PACSIN1: variants seen among roughly 807,000 people sequenced by gnomAD.
PACSIN1 encodes protein kinase C and casein kinase substrate in neurons 1, also known as protein kinase C and casein kinase substrate in neurons protein 1.
A neutral mutation model predicts 59.5 loss-of-function variants in PACSIN1; 15 were observed. That is an observed-to-expected ratio of 0.25 (90% CI 0.17 to 0.39). The LOEUF is 0.39. Ranked by LOEUF, PACSIN1 falls within the 10% of genes least tolerant of loss-of-function variation. PACSIN1 has a pLI of 1.00. For synonymous variants in PACSIN1, 210 were observed against 220.6 expected, an observed-to-expected ratio of 0.95 and a Z score of 0.42; for missense variants, 420 against 580.2, an observed-to-expected ratio of 0.72 and a Z score of 2.84.
intron 1 of PACSIN1, among the ~76,000 whole-genome samples, chr6:34,511,955 A>G (rs1464043324): frequency 1.3e-5 from 2 of 152,132 alleles, no homozygotes; most frequent in African/African-American, 4.8e-5. Flanking sequence ...GGTGTGGGCC[A>G]GACACCCTCC....
chr6:34,529,216 G>A lies in PACSIN1; in HGVS notation c.457-181G>A, dbSNP rs1009931971. ...GGAGCAGGCAGTGCCAAGCAGAGAC[G>A]CAGCCACAAATGGAGGAGCGCTGCT... On this transcript the variant is annotated intron_variant, in intron 4 of 9. Coordinates refer to ENST00000244458, the MANE Select transcript of PACSIN1 (RefSeq NM_020804.5). This position sits in a 1 kb window ranked among gnomAD's most constrained non-coding sequence, Gnocchi z 6.3. 8.6e-5 allele frequency among the ~76,000 whole-genome samples: 13 copies of A among 152,032 alleles called. No individual in the cohort carries two copies. The highest frequency in any genetic ancestry group is 5.2e-4 in the Admixed American group (8 of 15,280).
At position 34,531,821 on chromosome 6, in the gene PACSIN1, G is replaced by T; in HGVS notation, c.1225+34G>T. ...GCTGGGCGGGGCAGTGCCTGAGAGA[G>T]GCTTGGGCCTGGATTGGGTGTGTGG... is the stretch of plus-strand genomic sequence containing the variant. On this transcript the variant is annotated intron_variant, in intron 9 of 9. Coordinates refer to ENST00000244458, the MANE Select transcript of PACSIN1 (RefSeq NM_020804.5). This position sits in a 1 kb window ranked among gnomAD's most constrained non-coding sequence, Gnocchi z 4.4. 6.5e-7 allele frequency: 1 copy of T among 1,532,540 alleles called. No individual in the cohort carries two copies. Among genetic ancestry groups the T allele is most frequent in the Non-Finnish European group, 8.8e-7 (1 of 1,138,836 alleles). The allele number at this position is 1,532,540 out of a possible 1,614,324, so 94.9% of individuals were successfully genotyped here. A position where few individuals can be genotyped will look rare whatever the true frequency, so the allele number is the denominator to read the frequency against.
Position 34,525,424 on chromosome 6 carries a change from C to T in PACSIN1, c.-63-819C>T, listed in dbSNP as rs1446135402. On this transcript the variant is annotated intron_variant, in intron 1 of 9. Transcript: ENST00000244458. The surrounding 1 kb of genome is among the most constrained non-coding windows in gnomAD (Gnocchi z 4.9). ...CAGGTTGGGCTGAATCTTACAGAGG[C>T]CAGCCTTCCCTGAGCATCCACACTG... Among the ~76,000 whole-genome samples, 1 of 152,234 alleles carries T rather than the reference C, an allele frequency of 6.6e-6. No individual in the cohort carries two copies. Among genetic ancestry groups the T allele is most frequent in the Admixed American group, 6.5e-5 (1 of 15,290 alleles).
intron 1 of PACSIN1, among the ~76,000 whole-genome samples, chr6:34,482,009 T>G (rs1442440970): frequency 6.6e-6 from 1 of 152,200 alleles, no homozygotes; most frequent in African/African-American, 2.4e-5. Flanking sequence ...TAAATTTGCT[T>G]ATTCTGGAAG....
chr6:34,477,230 C>G (rs916620560), intron 1 of PACSIN1, among the ~76,000 whole-genome samples: 9 of 152,010 alleles, frequency 5.9e-5, no homozygotes, highest in Non-Finnish European at 1.2e-4. Context: ...GTTGCTCATG[C>G]CTGTAATCCC....
chr6:34,527,517 C>A, intron 3 of PACSIN1, 29 bp downstream of exon 3: 1 of 1,554,786 alleles, frequency 6.4e-7, no homozygotes, highest in Non-Finnish European at 8.7e-7. Context: ...ATCGTGCGCG[C>A]CCCCAGGCCG....
chr6:34,500,605 G>C (rs4713802), intron 1 of PACSIN1, among the ~76,000 whole-genome samples: 52,732 of 152,088 alleles, frequency 0.35, 10,915 homozygotes, highest in Middle Eastern at 0.52. Flanking sequence ...AGAATTTCAG[G>C]AATGGTAAAT....
rs1368967649 is a variant in PACSIN1 at position 34,488,772 on chromosome 6, C to T, written c.-64+22502C>T. ...TTGATTGATTGATTTGTTGCCCAGG[C>T]TGGTCTTGAGCTCCTGGGCTCAAGC... On this transcript the variant is annotated intron_variant, in intron 1 of 9. Transcript: ENST00000244458. This position sits in a 1 kb window ranked among gnomAD's most constrained non-coding sequence, Gnocchi z 4.7. Among the ~76,000 whole-genome samples, 2 of 152,186 alleles carry T rather than the reference C, an allele frequency of 1.3e-5. No homozygotes were observed. The highest frequency in any genetic ancestry group is 1.9e-4 in the East Asian group (1 of 5,192).
chr6:34,495,476 G>A (rs908048167), intron 1 of PACSIN1, among the ~76,000 whole-genome samples: 5 of 149,564 alleles, frequency 3.3e-5, no homozygotes, highest in Admixed American at 6.6e-5. Flanking sequence ...TTTTCCAGAC[G>A]GAGTCTCACT....
intron 1 of PACSIN1, among the ~76,000 whole-genome samples, chr6:34,505,523 CTTTCTTTTT>C (rs1304736951): frequency 8.4e-6 from 1 of 118,698 alleles, no homozygotes; most frequent in African/African-American, 3.3e-5. Context: ...CTGTCCTTTT[CTTTCTTTTT>C]TTTTTTTTCA....
chr6:34,481,218 G>T (rs1379239170), intron 1 of PACSIN1, among the ~76,000 whole-genome samples: 2 of 151,634 alleles, frequency 1.3e-5, no homozygotes, highest in Non-Finnish European at 2.9e-5. Flanking sequence ...GCTAATTTTT[G>T]TTTCTTTAGT....
chr6:34,469,893 G>C lies in PACSIN1; in HGVS notation c.-64+3623G>C, dbSNP rs563022625. Among the ~76,000 whole-genome samples the C allele has an allele frequency of 2.0e-5, 3 of 152,346 alleles. No individual in the cohort carries two copies. In the South Asian group the frequency reaches 6.2e-4, roughly 32 times the overall value. On this transcript the variant is annotated intron_variant, in intron 1 of 9. Transcript: ENST00000244458. ...GACCTCTAATGCCAGGGAAGTTGCT[G>C]GTGCCGTTTCCAGAAAAGGAGCGTG...
chr6:34,492,238 G>T (rs1463239100), intron 1 of PACSIN1, among the ~76,000 whole-genome samples: 2 of 103,136 alleles, frequency 1.9e-5, no homozygotes, highest in Non-Finnish European at 3.6e-5. Context: ...ATCTCACTCT[G>T]TTGCCCAGGC....
At chr6:34,470,512 TG>T (rs1342938158) in intron 1 of PACSIN1, among the ~76,000 whole-genome samples, 1 of 151,954 alleles carries the variant, frequency 6.6e-6, no homozygotes, top group Admixed American at 6.6e-5. Context: ...CACTCGATAT[TG>T]TTATAATTAT....
At chr6:34,504,511 G>A (rs534262148) in intron 1 of PACSIN1, among the ~76,000 whole-genome samples, 26 of 152,008 alleles carry the variant, frequency 1.7e-4, no homozygotes, top group African/African-American at 6.3e-4. Flanking sequence ...GGCTGATCTC[G>A]AACTCCTGAC....
At chr6:34,497,488 AT>A (rs1388218716) in intron 1 of PACSIN1, among the ~76,000 whole-genome samples, 2 of 152,116 alleles carry the variant, frequency 1.3e-5, no homozygotes, top group African/African-American at 4.8e-5. Context: ...TGCTGCAACA[AT>A]TGGGAAGCTT....
intron 1 of PACSIN1, among the ~76,000 whole-genome samples, chr6:34,506,013 T>C (rs1371550123): frequency 3.3e-5 from 5 of 152,170 alleles, no homozygotes; most frequent in Non-Finnish European, 4.4e-5. Flanking sequence ...TTCTTCTTTG[T>C]AGTTTCTACA....
At position 34,515,690 on chromosome 6, in the gene PACSIN1, G is replaced by A. The variant is rs943587762; in HGVS notation, c.-63-10553G>A. ...GTCCCCAATCCCAGATCTCCCAAAG[G>A]ACCCCCATGCCCATCCCCAGCAAGC... On this transcript the variant is annotated intron_variant, in intron 1 of 9. Transcript: ENST00000244458. This position sits in a 1 kb window ranked among gnomAD's most constrained non-coding sequence, Gnocchi z 4.4. 2.6e-5 allele frequency among the ~76,000 whole-genome samples: 4 copies of A among 152,112 alleles called. No homozygotes were observed. Among genetic ancestry groups the A allele is most frequent in the African/African-American group, 9.7e-5 (4 of 41,426 alleles).
chr6:34,527,359 C>T lies in PACSIN1; in HGVS notation c.91C>T (p.Arg31Cys). 6.3e-7 allele frequency: 1 copy of T among 1,593,008 alleles called. No homozygotes were observed. The highest frequency in any genetic ancestry group is 1.7e-5 in the Admixed American group (1 of 57,288). Reference sequence around the variant, plus strand: ...GGGGAACTACAAGCGGACCGTGAAGCGCATCGATGACGGCCACCGTCTATG... The same window carrying T: ...GGGGAACTACAAGCGGACCGTGAAGTGCATCGATGACGGCCACCGTCTATG... Reference protein sequence around the residue: ...EVGNYKRTVKRIDDGHRLCND... With the variant: ...EVGNYKRTVKCIDDGHRLCND... Residue 31 changes from arginine to cysteine, a missense_variant, in exon 3 of 10, where the codon CGC becomes TGC. Physicochemically the swap from Arg to Cys is radical, Grantham distance 180 (BLOSUM62 -3). Transcript: ENST00000244458.
Sources: allele counts gnomAD v4.1 joint callset (sites outside exome capture counted in the v4.1 genomes callset), GRCh38; gene constraint gnomAD v4.1.1; non-coding constraint Gnocchi (gnomAD v3.1); transcripts MANE v1.5; gene names NCBI Gene and HGNC (gene_info 2026-07-23, HGNC 2026-07-21).